PTPRG: variants seen among roughly 807,000 people sequenced by gnomAD.
The protein encoded by PTPRG is protein tyrosine phosphatase receptor type G.
PTPRG carries 102 observed loss-of-function variants against 165.3 expected under a neutral mutation model. That is an observed-to-expected ratio of 0.62 (90% CI 0.53 to 0.73). PTPRG has a LOEUF of 0.73. PTPRG is among the 30% of genes least tolerant of loss of function. The pLI, the probability that PTPRG is intolerant of heterozygous loss-of-function variation, is 0.00. For synonymous variants in PTPRG, 675 were observed against 669.5 expected (o/e 1.01, Z -0.13); for missense variants, 1,866 against 1,861.4 (o/e 1.00, Z -0.05).
intron 2 of PTPRG, among the ~76,000 whole-genome samples, chr3:61,914,737 A>G (rs554806465): frequency 1.8e-4 from 28 of 152,210 alleles, no homozygotes; most frequent in Admixed American, 4.6e-4. Context: ...AATTACCTCA[A>G]TATGTAAGTA....
intron 1 of PTPRG, among the ~76,000 whole-genome samples, chr3:61,693,300 A>G (rs936444574): frequency 4.6e-5 from 7 of 152,222 alleles, no homozygotes; most frequent in Non-Finnish European, 7.3e-5. Context: ...GGGAAATAAT[A>G]TATTTTATGT....
chr3:61,623,612 A>G (rs993645651), intron 1 of PTPRG, among the ~76,000 whole-genome samples: 1 of 152,182 alleles, frequency 6.6e-6, no homozygotes, highest in Non-Finnish European at 1.5e-5. Flanking sequence ...AGACTAGAGA[A>G]TTTGGTTCTT....
chr3:61,993,363 A>G (rs888814940), intron 3 of PTPRG, among the ~76,000 whole-genome samples: 1 of 151,922 alleles, frequency 6.6e-6, no homozygotes, highest in Non-Finnish European at 1.5e-5. Context: ...GATTACAGGC[A>G]TGCGCCACCA....
intron 2 of PTPRG, among the ~76,000 whole-genome samples, chr3:61,988,677 C>G (rs1178484572): frequency 6.6e-6 from 1 of 152,102 alleles, no homozygotes; most frequent in Non-Finnish European, 1.5e-5. Context: ...TTTTTCTTAT[C>G]TAATTCTCAA....
At chr3:62,109,184 C>A (rs900974961) in intron 5 of PTPRG, among the ~76,000 whole-genome samples, 1 of 152,154 alleles carries the variant, frequency 6.6e-6, no homozygotes, top group Non-Finnish European at 1.5e-5. Flanking sequence ...CTAGGTCTTA[C>A]ATTTAAGTCT....
intron 2 of PTPRG, among the ~76,000 whole-genome samples, chr3:61,877,122 A>G (rs1216974816): frequency 6.6e-6 from 1 of 152,180 alleles, no homozygotes; most frequent in Non-Finnish European, 1.5e-5. Flanking sequence ...AGCACTCCAG[A>G]CATTAAATAT....
chr3:62,180,553 G>A (rs1705606038), intron 8 of PTPRG, among the ~76,000 whole-genome samples: 1 of 152,156 alleles, frequency 6.6e-6, no homozygotes, highest in Non-Finnish European at 1.5e-5. Context: ...GGTCCGCTTT[G>A]CTCTCTTAGC....
rs752947388 is a variant in PTPRG, at chr3:62,201,461, C to CA, written c.1328-37dup. ...CATAAGGAATATCTTGTTAGAGCCA[C>CA]AAAAAAAGTTATATTGCTTAAATGT... On this transcript the variant is annotated intron_variant, in intron 10 of 29. Transcript: ENST00000474889. The CA allele has an allele frequency of 1.1e-5, 17 of 1,519,958 alleles. No individual in the cohort carries two copies. The South Asian group carries it at 1.8e-4, about 16-fold the overall frequency. 94.2% of individuals were successfully genotyped at this position (1,519,958 alleles called of 1,614,324 possible).
chr3:61,829,461 C>T (rs775375716), intron 2 of PTPRG, among the ~76,000 whole-genome samples: 7 of 152,244 alleles, frequency 4.6e-5, no homozygotes, highest in Non-Finnish European at 7.3e-5. Context: ...TTAGCCCGAT[C>T]ACTGCCTTAA....
chr3:61,968,710 C>G (rs2040324966), intron 2 of PTPRG, among the ~76,000 whole-genome samples: 1 of 152,068 alleles, frequency 6.6e-6, no homozygotes, highest in Non-Finnish European at 1.5e-5. Flanking sequence ...TTCATTTAAG[C>G]CCTCTCAACT....
At chr3:61,827,380 A>G (rs866407852) in intron 2 of PTPRG, among the ~76,000 whole-genome samples, 3 of 152,190 alleles carry the variant, frequency 2.0e-5, no homozygotes, top group African/African-American at 7.2e-5. Flanking sequence ...CTCACTTCCA[A>G]CCTTTGTATA....
intron 12 of PTPRG, among the ~76,000 whole-genome samples, chr3:62,215,110 C>T (rs1056576126): frequency 3.9e-5 from 6 of 152,128 alleles, no homozygotes; most frequent in African/African-American, 1.2e-4. Flanking sequence ...GGAGATGATG[C>T]TGGGTTGGGG....
In PTPRG at chr3:62,203,947, C is replaced by T. The variant is rs1700160447; in HGVS notation, c.2152C>T (p.Pro718Ser). 1 of 1,565,766 alleles carries T rather than the reference C, an allele frequency of 6.4e-7. No individual in the cohort carries two copies. The highest frequency in any genetic ancestry group is 8.7e-7 in the Non-Finnish European group (1 of 1,152,810). The change falls in exon 12 of 30, where the codon CCA (proline) becomes TCA (serine). Residue 718 changes from proline (P) to serine (S), a missense_variant. Physicochemically the swap from Pro to Ser is moderately conservative, Grantham distance 74. Coordinates refer to ENST00000474889, the MANE Select transcript of PTPRG (RefSeq NM_002841.4). The surrounding 1 kb of genome is among the most constrained non-coding windows in gnomAD (Gnocchi z 6.4). ...SEDSRFITVN[P>S]AEKNTSGMIS... The stretch of plus-strand genomic sequence containing the variant: ...AGACAGCAGATTTATCACTGTTAAT[C>T]CAGGTAAGTGGTGCAGGTCTTCTTC...
chr3:62,103,863 G>A (rs1252044569), intron 5 of PTPRG, among the ~76,000 whole-genome samples: 1 of 152,190 alleles, frequency 6.6e-6, no homozygotes, highest in African/African-American at 2.4e-5. Flanking sequence ...TTTGCAGGTA[G>A]ACCCAAACCT....
At chr3:61,712,465 G>A (rs1031066754) in intron 1 of PTPRG, among the ~76,000 whole-genome samples, 1 of 151,982 alleles carries the variant, frequency 6.6e-6, no homozygotes, top group Admixed American at 6.6e-5. Context: ...CCCATGTGTC[G>A]AAGGAGGGAC....
At chr3:62,288,608 G>A (rs988697633) in intron 28 of PTPRG, among the ~76,000 whole-genome samples, 1 of 151,906 alleles carries the variant, frequency 6.6e-6, no homozygotes, top group Non-Finnish European at 1.5e-5. Flanking sequence ...GGGAGGCAGA[G>A]GTTGCAGTGA....
intron 1 of PTPRG, among the ~76,000 whole-genome samples, chr3:61,591,123 C>T (rs992831179): frequency 2.6e-5 from 4 of 152,208 alleles, no homozygotes; most frequent in African/African-American, 9.7e-5. Flanking sequence ...AGGCATTCTC[C>T]TGCTGATGGC....
At chr3:62,082,412 C>T (rs977871795) in intron 5 of PTPRG, among the ~76,000 whole-genome samples, 1 of 152,192 alleles carries the variant, frequency 6.6e-6, no homozygotes, top group Non-Finnish European at 1.5e-5. Flanking sequence ...TGGTTACTTG[C>T]ACTTTGCCCC....
intron 1 of PTPRG, among the ~76,000 whole-genome samples, chr3:61,568,880 C>A (rs1699990559): frequency 6.7e-6 from 1 of 150,162 alleles, no homozygotes; most frequent in African/African-American, 2.5e-5. Context: ...TGCACTGCAG[C>A]CTGTGCGACA....
Sources: allele counts gnomAD v4.1 joint callset (sites outside exome capture counted in the v4.1 genomes callset), GRCh38; gene constraint gnomAD v4.1.1; non-coding constraint Gnocchi (gnomAD v3.1); transcripts MANE v1.5; gene names NCBI Gene and HGNC (gene_info 2026-07-23, HGNC 2026-07-21).